The following ECD variants were observed in gnomAD, a reference collection of about 807,000 sequenced individuals.
ECD encodes the protein ecdysoneless cell cycle regulator, also known as protein ecdysoneless homolog.
ECD carries 59 observed loss-of-function variants against 77.2 expected under a neutral mutation model. That is an observed-to-expected ratio of 0.76 (90% confidence interval 0.62 to 0.95). The LOEUF (loss-of-function observed/expected upper bound fraction) is 0.95, where lower values mean the gene tolerates loss of function less well. Ranked by LOEUF, ECD falls within the 40% of genes least tolerant of loss-of-function variation. The pLI, the probability that ECD is intolerant of heterozygous loss-of-function variation, is 0.00. For synonymous variants in ECD, 233 were observed against 267.4 expected (o/e 0.87, Z 1.26); for missense variants, 704 against 763.4 (o/e 0.92, Z 0.92).
At chr10:73,164,500 T>C (rs1843425870) in intron 1 of ECD, among the ~76,000 whole-genome samples, 1 of 152,174 alleles carries the variant, frequency 6.6e-6, no homozygotes, top group Admixed American at 6.5e-5. Flanking sequence ...GGAGTTTCAC[T>C]CTTGTTGCCC....
At chr10:73,147,812 G>A (rs1370149047) in intron 8 of ECD, among the ~76,000 whole-genome samples, 1 of 151,876 alleles carries the variant, frequency 6.6e-6, no homozygotes, top group Non-Finnish European at 1.5e-5. Flanking sequence ...CCATACTCTC[G>A]ACAGCACAGA....
chr10:73,156,381 T>G lies in ECD; in HGVS notation c.484A>C (p.Thr162Pro). Residue 162 changes from threonine (T) to proline (P), a missense_variant, in exon 5 of 14, where the codon ACC becomes CCC. Coordinates refer to ENST00000372979, the MANE Select transcript of ECD (RefSeq NM_007265.3). ...GCTTGTGGAATTGTTGGGGGTGTGGTGGGTAACCAAGATTCTGCTCCAGAT... is the reference window on the plus strand; with the variant it reads ...GCTTGTGGAATTGTTGGGGGTGTGGGGGGTAACCAAGATTCTGCTCCAGAT... ...RKSGAESWLP[T>P]TPPTIPQALN... is the part of the protein sequence containing the mutation. 2.5e-6 allele frequency: 4 copies of G among 1,613,670 alleles called. No homozygotes were observed. The highest frequency in any genetic ancestry group is 1.7e-4 in the Middle Eastern group (1 of 6,060).
At chr10:73,152,050 C>T (rs191377941) in intron 7 of ECD, among the ~76,000 whole-genome samples, 82 of 151,980 alleles carry the variant, frequency 5.4e-4, no homozygotes, top group Admixed American at 2.5e-3. Context: ...AATATTTGAT[C>T]CAATTGGAAT....
intron 3 of ECD, 21 bp from the exon 4 acceptor site, chr10:73,156,676 A>G: frequency 6.2e-7 from 1 of 1,608,782 alleles, no homozygotes; most frequent in African/African-American, 1.3e-5. Flanking sequence ...AAAATTTCCA[A>G]TTTTGCATTC....
intron 8 of ECD, among the ~76,000 whole-genome samples, chr10:73,147,567 C>CAT (rs1218942117): frequency 8.6e-5 from 13 of 151,914 alleles, no homozygotes; most frequent in Middle Eastern, 3.4e-3. Context: ...AAAAAAATAC[C>CAT]ATATATATAC....
At chr10:73,144,173 G>C (rs896629594) in intron 9 of ECD, among the ~76,000 whole-genome samples, 1 of 152,082 alleles carries the variant, frequency 6.6e-6, no homozygotes, top group Non-Finnish European at 1.5e-5. Context: ...CTAGATAGCA[G>C]GCTATCATAT....
intron 9 of ECD, 68 bp from the exon 10 acceptor site, chr10:73,139,805 G>T: frequency 3.0e-5 from 30 of 988,914 alleles, no homozygotes; most frequent in Middle Eastern, 2.3e-4. Context: ...TAAATACATA[G>T]TATTTTAAGG....
chr10:73,136,864 C>T lies in ECD; in HGVS notation c.1544G>A (p.Cys515Tyr). ...GTCCAAGTCATCATCACTATCTAAA[C>T]ATTCAAAGTCTTCATCATCCAGATC... ...SDDLDDEDFE[C>Y]LDSDDDLDFE... is the part of the protein sequence containing the mutation. Residue 515 changes from cysteine to tyrosine, a missense_variant, in exon 13 of 14, where the codon TGT becomes TAT. Around this residue, in one of 3 missense-constraint regions of ECD, gnomAD observed 142 missense variants for 163.6 expected, o/e 0.87. Coordinates refer to ENST00000372979, the MANE Select transcript of ECD (RefSeq NM_007265.3). The T allele has an allele frequency of 1.2e-6, 2 of 1,614,010 alleles. No homozygotes were observed. The highest frequency in any genetic ancestry group is 1.7e-6 in the Non-Finnish European group (2 of 1,180,010).
chr10:73,164,975 A>C (rs988613037), intron 1 of ECD, among the ~76,000 whole-genome samples: 2 of 152,188 alleles, frequency 1.3e-5, no homozygotes, highest in African/African-American at 2.4e-5. Context: ...TGGTATGTGT[A>C]ATATATTTCG....
chr10:73,163,117 G>A (rs756742396), intron 2 of ECD, among the ~76,000 whole-genome samples: 1 of 152,094 alleles, frequency 6.6e-6, no homozygotes, highest in Non-Finnish European at 1.5e-5. Context: ...GTCATTCTTT[G>A]GTCTCTCCGC....
At position 73,156,222 on chromosome 10, in the gene ECD, T is replaced by C. The variant is rs972132336; in HGVS notation, c.590+53A>G. ...AACAAAAATCAAAGAAAGACTGAAC[T>C]ACACGAAACCAAAAGGTTCCTTAAT... On this transcript the variant is annotated intron_variant, in intron 5 of 13. Transcript: ENST00000372979. 2.0e-6 allele frequency: 3 copies of C among 1,490,046 alleles called. No individual in the cohort carries two copies. The African/African-American group carries it at 4.2e-5, about 21-fold the overall frequency. 92.3% of individuals were successfully genotyped at this position (1,490,046 alleles called of 1,614,324 possible).
intron 2 of ECD, among the ~76,000 whole-genome samples, chr10:73,163,440 TTAGA>T (rs1276619144): frequency 6.6e-6 from 1 of 152,208 alleles, no homozygotes; most frequent in East Asian, 1.9e-4. Context: ...GTATAGATAC[TTAGA>T]TACATTATGG....
At chr10:73,148,505 A>G (rs2133258613) in intron 7 of ECD, 101 bp from the exon 8 acceptor site, 2 of 1,287,794 alleles carry the variant, frequency 1.6e-6, no homozygotes, top group Non-Finnish European at 2.1e-6. Flanking sequence ...CTAGAACTAG[A>G]TGACTGGATA....
intron 7 of ECD, among the ~76,000 whole-genome samples, chr10:73,150,272 G>C (rs1843185811): frequency 6.6e-6 from 1 of 152,262 alleles, no homozygotes; most frequent in South Asian, 2.1e-4. Flanking sequence ...AAGAAATGGG[G>C]AAACGATTCC....
intron 6 of ECD, among the ~76,000 whole-genome samples, chr10:73,152,980 A>G (rs1254495683): frequency 6.6e-6 from 1 of 152,000 alleles, no homozygotes; most frequent in Non-Finnish European, 1.5e-5. Context: ...CATTAGTTAC[A>G]TTATACAGCA....
At position 73,148,389 on chromosome 10, in the gene ECD, T is replaced by A; in HGVS notation, c.928A>T (p.Ile310Phe). The A allele has an allele frequency of 6.2e-7, 1 of 1,613,816 alleles. No homozygotes were observed. Among genetic ancestry groups the A allele is most frequent in the Non-Finnish European group, 8.5e-7 (1 of 1,179,822 alleles). ...TGTGGGCTACATTTGGAGCATAAGA[T>A]CTCAAATCCATGAGCCTAGATGAGA... Reference protein sequence around the residue: ...LGMKLAHGFEILCSKCSPHFS... With the variant: ...LGMKLAHGFEFLCSKCSPHFS... The change falls in exon 8 of 14, where the codon ATC (isoleucine) becomes TTC (phenylalanine). Residue 310 changes from isoleucine (I) to phenylalanine (F), a missense_variant. Coordinates refer to ENST00000372979, the MANE Select transcript of ECD (RefSeq NM_007265.3).
chr10:73,163,671 C>T, intron 2 of ECD, 62 bp downstream of exon 2: 1 of 1,518,478 alleles, frequency 6.6e-7, no homozygotes, highest in Admixed American at 1.7e-5. Flanking sequence ...GACTATTACA[C>T]ATCACTGTTG....
In ECD at chr10:73,167,927, T is replaced by C. The variant is rs1217304431; in HGVS notation, c.-75A>G. ...ACCTTTCCTTAGCCGCCTCTCCGAC[T>C]GCGAGAGCTGATCGAGAGCTGCCAC... On this transcript the variant is annotated 5_prime_UTR_variant, in exon 1 of 14. Coordinates refer to ENST00000372979, the MANE Select transcript of ECD (RefSeq NM_007265.3). 3 of 208,378 alleles carry C rather than the reference T, an allele frequency of 1.4e-5. No individual in the cohort carries two copies. The South Asian group carries it at 2.5e-4, about 17-fold the overall frequency. The allele number at this position is 208,378 out of a possible 1,614,324, so 12.9% of individuals were successfully genotyped here. A position where few individuals can be genotyped will look rare whatever the true frequency, so the allele number is the denominator to read the frequency against.
At chr10:73,147,579 A>G (rs570038579) in intron 8 of ECD, among the ~76,000 whole-genome samples, 2 of 152,152 alleles carry the variant, frequency 1.3e-5, no homozygotes, top group South Asian at 4.1e-4. Flanking sequence ...TATATATACT[A>G]TAATATCATT....
Sources: gnomAD v4.1 joint callset for allele counts (sites outside exome capture counted in the v4.1 genomes callset) on GRCh38, gnomAD v4.1.1 for gene constraint, gnomAD v4.1.1 regional missense constraint, MANE v1.5 for transcripts, NCBI Gene and HGNC (gene_info 2026-07-23, HGNC 2026-07-21) for gene names.